The following XPR1 variants were observed in gnomAD, a reference collection of about 807,000 sequenced individuals.
The protein encoded by XPR1 is solute carrier family 53 member 1.
XPR1 carries 28 observed loss-of-function variants against 87.5 expected under a neutral mutation model. That is an observed-to-expected ratio of 0.32 (90% CI 0.24 to 0.44). XPR1 has a LOEUF of 0.44. XPR1 is among the 20% of genes least tolerant of loss of function. The pLI, the probability that XPR1 is intolerant of heterozygous loss-of-function variation, is 1.00. For synonymous variants in XPR1, 300 were observed against 306.1 expected (o/e 0.98, Z 0.21); for missense variants, 559 against 862.3 (o/e 0.65, Z 4.41).
At chr1:180,804,701 C>T (rs1349406912) in intron 4 of XPR1, among the ~76,000 whole-genome samples, 1 of 152,098 alleles carries the variant, frequency 6.6e-6, no homozygotes, top group Non-Finnish European at 1.5e-5. Flanking sequence ...TCATTTTCTT[C>T]TATAATTCTA....
chr1:180,652,420 G>A (rs141850482), intron 1 of XPR1, among the ~76,000 whole-genome samples: 16 of 152,250 alleles, frequency 1.1e-4, no homozygotes, highest in African/African-American at 3.6e-4. Flanking sequence ...TTAATCATCA[G>A]CTTTATTTTA....
At chr1:180,738,812 AT>A (rs1658820637) in intron 2 of XPR1, among the ~76,000 whole-genome samples, 1 of 152,098 alleles carries the variant, frequency 6.6e-6, no homozygotes. Flanking sequence ...ACTTGCAAAC[AT>A]TTTGTCCAAG....
intron 1 of XPR1, among the ~76,000 whole-genome samples, chr1:180,663,601 G>A (rs1457879376): frequency 1.3e-5 from 2 of 152,180 alleles, no homozygotes; most frequent in Admixed American, 6.5e-5. Context: ...CGAAGCTAGC[G>A]CAACACTGGA....
At chr1:180,848,583 T>C (rs1651766772) in intron 11 of XPR1, among the ~76,000 whole-genome samples, 2 of 152,172 alleles carry the variant, frequency 1.3e-5, no homozygotes, top group Non-Finnish European at 2.9e-5. Context: ...CTTATGTTGA[T>C]TTTTTTATCT....
rs557988063 is a variant in XPR1 at position 180,797,065 on chromosome 1, A to G, written c.224-6323A>G. On this transcript the variant is annotated intron_variant, in intron 3 of 14. Transcript: ENST00000367590. ...GATGGAAGTATAGGAGGTGACAGAAATGTTCTAAAATTGGATTTTTATGAT... is the reference window on the plus strand; with the variant it reads ...GATGGAAGTATAGGAGGTGACAGAAGTGTTCTAAAATTGGATTTTTATGAT... Among the ~76,000 whole-genome samples, 6 of 152,302 alleles carry G rather than the reference A, an allele frequency of 3.9e-5. No homozygotes were observed. The South Asian group carries it at 6.2e-4, about 16-fold the overall frequency.
chr1:180,831,288 T>C (rs758787239), intron 9 of XPR1, among the ~76,000 whole-genome samples: 2 of 152,120 alleles, frequency 1.3e-5, no homozygotes, highest in Non-Finnish European at 2.9e-5. Flanking sequence ...CTCTCAGTGC[T>C]TCTATCTTTT....
intron 11 of XPR1, among the ~76,000 whole-genome samples, chr1:180,858,747 C>G (rs1042479159): frequency 6.6e-6 from 1 of 152,124 alleles, no homozygotes; most frequent in African/African-American, 2.4e-5. Flanking sequence ...CTTCAGTTTC[C>G]TTAACTATAA....
At chr1:180,814,376 AC>A (rs1205500179) in intron 7 of XPR1, among the ~76,000 whole-genome samples, 1 of 152,218 alleles carries the variant, frequency 6.6e-6, no homozygotes, top group Non-Finnish European at 1.5e-5. Flanking sequence ...TACATAGAAT[AC>A]ATGAAAATAA....
intron 7 of XPR1, among the ~76,000 whole-genome samples, chr1:180,817,323 T>C (rs1383045161): frequency 6.6e-6 from 1 of 152,130 alleles, no homozygotes; most frequent in Non-Finnish European, 1.5e-5. Context: ...ATAAATTCAG[T>C]GTAGCCTAAG....
intron 2 of XPR1, among the ~76,000 whole-genome samples, chr1:180,772,752 G>C (rs1427269633): frequency 6.6e-6 from 1 of 152,174 alleles, no homozygotes; most frequent in Non-Finnish European, 1.5e-5. Context: ...GATGTGACTT[G>C]CTCCTCCTTG....
intron 1 of XPR1, among the ~76,000 whole-genome samples, chr1:180,646,629 C>T (rs763266864): frequency 3.9e-5 from 6 of 152,132 alleles, no homozygotes; most frequent in Non-Finnish European, 8.8e-5. Context: ...GAACCCTCTG[C>T]TGTCTCATCA....
chr1:180,764,366 A>C (rs894937423), intron 2 of XPR1, among the ~76,000 whole-genome samples: 2 of 152,178 alleles, frequency 1.3e-5, no homozygotes, highest in African/African-American at 4.8e-5. Context: ...ATCCAAAAAA[A>C]TTCCAAACCT....
chr1:180,812,069 G>T (rs925280529), intron 7 of XPR1, among the ~76,000 whole-genome samples: 1 of 152,094 alleles, frequency 6.6e-6, no homozygotes, highest in Non-Finnish European at 1.5e-5. Context: ...TCTCCCCAAA[G>T]AATTTGACAC....
intron 14 of XPR1, among the ~76,000 whole-genome samples, chr1:180,883,497 T>C (rs1169710698): frequency 6.6e-6 from 1 of 151,968 alleles, no homozygotes; most frequent in Non-Finnish European, 1.5e-5. Flanking sequence ...TTACCTGAGG[T>C]CAGGAGTTTG....
intron 2 of XPR1, among the ~76,000 whole-genome samples, chr1:180,728,985 C>G (rs1256734489): frequency 6.6e-6 from 1 of 152,146 alleles, no homozygotes; most frequent in Non-Finnish European, 1.5e-5. Flanking sequence ...TTGGTCCCCA[C>G]TCTCCTGCCA....
At chr1:180,696,408 A>G (rs1023065202) in intron 2 of XPR1, among the ~76,000 whole-genome samples, 1 of 151,960 alleles carries the variant, frequency 6.6e-6, no homozygotes, top group South Asian at 2.1e-4. Context: ...CATGTCATCT[A>G]TAAAGCAGGA....
chr1:180,670,093 T>A (rs1022225499), intron 1 of XPR1, among the ~76,000 whole-genome samples: 4 of 152,220 alleles, frequency 2.6e-5, no homozygotes, highest in African/African-American at 9.6e-5. Flanking sequence ...AGTATCTATT[T>A]CCATCCTTTC....
At chr1:180,851,322 A>G (rs1651863891) in intron 11 of XPR1, among the ~76,000 whole-genome samples, 1 of 152,182 alleles carries the variant, frequency 6.6e-6, no homozygotes, top group African/African-American at 2.4e-5. Flanking sequence ...TTACAAATGG[A>G]CACAAAATTT....
intron 4 of XPR1, among the ~76,000 whole-genome samples, chr1:180,805,036 A>C (rs930614609): frequency 6.6e-6 from 1 of 152,200 alleles, no homozygotes; most frequent in Admixed American, 6.5e-5. Context: ...AAAAGTAATA[A>C]TTAATTATGA....
Sources: allele counts gnomAD v4.1 joint callset (sites outside exome capture counted in the v4.1 genomes callset), GRCh38; gene constraint gnomAD v4.1.1; transcripts MANE v1.5; gene names NCBI Gene and HGNC (gene_info 2026-07-23, HGNC 2026-07-21).